The following IL15 variants were observed in gnomAD, a reference collection of about 807,000 sequenced individuals.
IL15 encodes the protein interleukin 15, also known as interleukin-15.
IL15 carries 11 observed loss-of-function variants against 19.6 expected under a neutral mutation model. The ratio of observed to expected loss-of-function variants is 0.56; its 90% CI spans 0.35 to 0.93. The LOEUF (loss-of-function observed/expected upper bound fraction) is 0.93, where lower values mean the gene tolerates loss of function less well. IL15 is among the 40% of genes least tolerant of loss of function. IL15 has a pLI of 0.01. For synonymous variants in IL15, 58 were observed against 59.6 expected, an observed-to-expected ratio of 0.97 and a Z score of 0.12; for missense variants, 197 against 186.5, an observed-to-expected ratio of 1.06 and a Z score of -0.33.
chr4:141,658,083 G>T (rs780638329), intron 2 of IL15, among the ~76,000 whole-genome samples: 13 of 152,128 alleles, frequency 8.5e-5, no homozygotes, highest in Non-Finnish European at 1.9e-4. Flanking sequence ...AGGGGGCCTG[G>T]TGGGAGGTAA....
At chr4:141,716,659 C>T (rs904810578) in intron 2 of IL15, 2 of 152,154 alleles carry the variant, frequency 1.3e-5, no homozygotes, top group African/African-American at 4.8e-5. Context: ...GGGGTTGCCA[C>T]CAAAATCCTA....
At chr4:141,669,837 A>G (rs1056907281) in intron 2 of IL15, among the ~76,000 whole-genome samples, 1 of 151,792 alleles carries the variant, frequency 6.6e-6, no homozygotes, top group Non-Finnish European at 1.5e-5. Flanking sequence ...TAGGACACCA[A>G]AAAAAGCTGC....
At chr4:141,690,270 T>A (rs1728866818) in intron 2 of IL15, among the ~76,000 whole-genome samples, 1 of 152,192 alleles carries the variant, frequency 6.6e-6, no homozygotes, top group Non-Finnish European at 1.5e-5. Context: ...CTGAGGGAGC[T>A]GGCTCTGGCC....
intron 2 of IL15, among the ~76,000 whole-genome samples, chr4:141,710,613 C>T (rs1729685295): frequency 6.6e-6 from 1 of 152,004 alleles, no homozygotes; most frequent in Admixed American, 6.6e-5. Context: ...TATGTTTAGA[C>T]TTACTACTGC....
chr4:141,677,931 G>T (rs1244771988), intron 2 of IL15, among the ~76,000 whole-genome samples: 1 of 152,122 alleles, frequency 6.6e-6, no homozygotes, highest in African/African-American at 2.4e-5. Context: ...ATATCATATT[G>T]CTCAAAACAG....
intron 2 of IL15, among the ~76,000 whole-genome samples, chr4:141,671,570 T>C (rs1261472571): frequency 6.6e-6 from 1 of 152,202 alleles, no homozygotes; most frequent in Non-Finnish European, 1.5e-5. Flanking sequence ...ATCTCCTCAC[T>C]CACCTGTCTG....
intron 2 of IL15, chr4:141,717,655 A>G (rs1228578616): frequency 6.6e-6 from 1 of 152,382 alleles, no homozygotes; most frequent in Admixed American, 6.6e-5. Flanking sequence ...AGAGCTATAA[A>G]ATACTTCTTT....
intron 1 of IL15, among the ~76,000 whole-genome samples, chr4:141,651,270 G>A (rs539718980): frequency 1.3e-4 from 20 of 151,850 alleles, no homozygotes; most frequent in Admixed American, 2.6e-4. Context: ...TTAAAATCAC[G>A]TCTTTTGCAG....
At chr4:141,731,126 G>A (rs983518127) in intron 7 of IL15, among the ~76,000 whole-genome samples, 1 of 152,110 alleles carries the variant, frequency 6.6e-6, no homozygotes, top group African/African-American at 2.4e-5. Flanking sequence ...AAGCTTGTGT[G>A]GGTGGACACC....
intron 5 of IL15, among the ~76,000 whole-genome samples, chr4:141,726,322 G>A (rs1467156683): frequency 6.6e-6 from 1 of 152,012 alleles, no homozygotes; most frequent in East Asian, 1.9e-4. Context: ...AGTAAAAATG[G>A]GTATATTTTG....
chr4:141,731,234 C>T (rs1493024), intron 7 of IL15, among the ~76,000 whole-genome samples: 121,182 of 152,044 alleles, frequency 0.8, 48,885 homozygotes, highest in East Asian at 0.99. Flanking sequence ...CCTTCCCTAT[C>T]TGAGCACTCC....
chr4:141,640,020 A>G (rs577263990), intron 1 of IL15, among the ~76,000 whole-genome samples: 4 of 152,292 alleles, frequency 2.6e-5, no homozygotes, highest in South Asian at 4.1e-4. Context: ...GTGTGTATGT[A>G]TATATTGTAC....
chr4:141,668,262 C>T (rs1728057125), intron 2 of IL15, among the ~76,000 whole-genome samples: 1 of 152,194 alleles, frequency 6.6e-6, no homozygotes, highest in African/African-American at 2.4e-5. Context: ...CACTGCAGCT[C>T]TCCTGTGCCT....
chr4:141,680,025 G>A (rs979105522), intron 2 of IL15, among the ~76,000 whole-genome samples: 4 of 152,184 alleles, frequency 2.6e-5, no homozygotes, highest in Admixed American at 6.5e-5. Flanking sequence ...CATTCAGTAC[G>A]TAGAGAACAA....
At chr4:141,670,780 A>G (rs1388930755) in intron 2 of IL15, among the ~76,000 whole-genome samples, 1 of 152,232 alleles carries the variant, frequency 6.6e-6, no homozygotes, top group Non-Finnish European at 1.5e-5. Flanking sequence ...ATTCAACATT[A>G]TGTCGAAGTT....
chr4:141,668,460 TTCTC>T (rs954364425), intron 2 of IL15, among the ~76,000 whole-genome samples: 7 of 152,240 alleles, frequency 4.6e-5, no homozygotes, highest in African/African-American at 1.7e-4. Context: ...AACTCAGTCT[TTCTC>T]TCTGCCTACC....
intron 6 of IL15, 82 bp from the exon 7 acceptor site, chr4:141,729,765 A>T (rs576512511): frequency 1.3e-6 from 1 of 764,372 alleles, no homozygotes; most frequent in African/African-American, 1.8e-5. Flanking sequence ...ATTTGGATTG[A>T]CTTTTTGAAA....
At chr4:141,674,164 G>A (rs1261018779) in intron 2 of IL15, among the ~76,000 whole-genome samples, 1 of 152,162 alleles carries the variant, frequency 6.6e-6, no homozygotes, top group African/African-American at 2.4e-5. Context: ...GAAATTTTGG[G>A]AAGTGGGGAT....
chr4:141,719,561 G>T (rs1730005821), intron 3 of IL15, 85 bp downstream of exon 3: 1 of 1,080,138 alleles, frequency 9.3e-7, no homozygotes, highest in South Asian at 1.6e-5. Flanking sequence ...TAAGTTACAT[G>T]GTTATTCTCC....
Sources: allele counts gnomAD v4.1 joint callset (sites outside exome capture counted in the v4.1 genomes callset), GRCh38; gene constraint gnomAD v4.1.1; transcripts MANE v1.5; gene names NCBI Gene and HGNC (gene_info 2026-07-23, HGNC 2026-07-21).